SFMBT1: variants seen among roughly 807,000 people sequenced by gnomAD.
The protein encoded by SFMBT1 is Scm like with four mbt domains 1, also known as scm-like with four MBT domains protein 1.
SFMBT1 carries 32 observed loss-of-function variants against 108.7 expected under a neutral mutation model. That is an observed-to-expected ratio of 0.29 (90% confidence interval 0.22 to 0.40). SFMBT1 has a LOEUF of 0.40. SFMBT1 is among the 10% of genes least tolerant of loss of function. The probability of loss-of-function intolerance (pLI) is 1.00; values close to 1 mark genes in which losing one functional copy is unlikely to be tolerated. For synonymous variants in SFMBT1, 348 were observed against 369.5 expected (o/e 0.94, Z 0.67); for missense variants, 816 against 1,059.6 (o/e 0.77, Z 3.19).
At chr3:52,972,744 A>AACACACACACACACACACAC (rs55859723) in intron 1 of SFMBT1, among the ~76,000 whole-genome samples, 1 of 95,092 alleles carries the variant, frequency 1.1e-5, no homozygotes, top group Non-Finnish European at 2.0e-5. Context: ...ATCTCTACTA[A>AACACACACACACACACACAC]ACACACACAC....
intron 8 of SFMBT1, 159 bp from the exon 9 acceptor site, chr3:52,928,500 C>T (rs1164348067): frequency 4.3e-6 from 3 of 690,592 alleles, no homozygotes; most frequent in Admixed American, 3.6e-5. Context: ...CATATAATTA[C>T]TGTTTTAATT....
intron 2 of SFMBT1, among the ~76,000 whole-genome samples, chr3:52,958,416 C>G (rs948285886): frequency 6.6e-6 from 1 of 152,096 alleles, no homozygotes; most frequent in Non-Finnish European, 1.5e-5. Context: ...CATGGTGAAA[C>G]CCCATCTCTA....
In SFMBT1 at chr3:52,905,251, A is replaced by G. The variant is rs771514867; in HGVS notation, c.2486T>C (p.Leu829Pro). ...TTCTTGAACAGTGGGAAGGGTAAGG[A>G]GCAACAGGGCCTGCCCATCAATTTC... ...DQEIDGQALL[L>P]LTLPTVQECM... Residue 829 changes from leucine to proline, a missense_variant, in exon 21 of 21, where the codon CTC (leucine) becomes CCC (proline). Physicochemically the swap from Leu to Pro is moderately conservative, Grantham distance 98. Coordinates refer to ENST00000394752, the MANE Select transcript of SFMBT1 (RefSeq NM_016329.4). The G allele has an allele frequency of 1.9e-6, 3 of 1,613,476 alleles. No homozygotes were observed. Among genetic ancestry groups the G allele is most frequent in the Non-Finnish European group, 1.7e-6 (2 of 1,179,772 alleles).
chr3:53,026,699 T>C (rs1699503936), intron 1 of SFMBT1, among the ~76,000 whole-genome samples: 1 of 152,194 alleles, frequency 6.6e-6, no homozygotes, highest in South Asian at 2.1e-4. Context: ...GGTTGGTTCT[T>C]AGCCGCACTC....
intron 1 of SFMBT1, among the ~76,000 whole-genome samples, chr3:53,039,155 C>T (rs1392030223): frequency 3.3e-5 from 5 of 152,172 alleles, no homozygotes; most frequent in East Asian, 1.9e-4. Flanking sequence ...GGACAAGGTA[C>T]CTGGTTCTCT....
intron 3 of SFMBT1, among the ~76,000 whole-genome samples, chr3:52,952,078 G>A (rs1238155349): frequency 2.0e-5 from 3 of 152,210 alleles, no homozygotes; most frequent in South Asian, 2.1e-4. Context: ...AGTGGGACTC[G>A]CTGTGCATGG....
intron 13 of SFMBT1, among the ~76,000 whole-genome samples, chr3:52,916,538 A>G (rs4608686): frequency 0.11 from 17,044 of 151,592 alleles, 989 homozygotes; most frequent in Non-Finnish European, 0.13. Context: ...GCATGGTGGC[A>G]GGCACCTGTA....
intron 9 of SFMBT1, among the ~76,000 whole-genome samples, chr3:52,926,912 G>A (rs1405275184): frequency 6.6e-6 from 1 of 152,052 alleles, no homozygotes; most frequent in African/African-American, 2.4e-5. Flanking sequence ...ACCGAAGACT[G>A]GCACCATGTT....
intron 1 of SFMBT1, among the ~76,000 whole-genome samples, chr3:53,011,760 A>T (rs1460042570): frequency 6.6e-6 from 1 of 152,228 alleles, no homozygotes; most frequent in Non-Finnish European, 1.5e-5. Flanking sequence ...TTTGGGAGTG[A>T]GGGAGGTGTA....
intron 11 of SFMBT1, 95 bp from the exon 12 acceptor site, chr3:52,920,745 C>G (rs1702500412): frequency 7.1e-6 from 5 of 705,126 alleles, no homozygotes; most frequent in Non-Finnish European, 1.2e-5. Context: ...AGATAATGTT[C>G]TACTCTTATA....
At chr3:52,967,380 T>G (rs1704183368) in intron 2 of SFMBT1, among the ~76,000 whole-genome samples, 1 of 152,128 alleles carries the variant, frequency 6.6e-6, no homozygotes, top group South Asian at 2.1e-4. Context: ...AGGTAAATCC[T>G]AGAGACAGAA....
At position 52,968,703 on chromosome 3, in the gene SFMBT1, C is replaced by T. The variant is rs556240986; in HGVS notation, c.28+398G>A. Among the ~76,000 whole-genome samples, 21 of 151,436 alleles carry T rather than the reference C, an allele frequency of 1.4e-4. No homozygotes were observed. The East Asian group carries it at 4.1e-3, about 29-fold the overall frequency. Reference sequence around the variant, plus strand: ...CAAGCTCTGCCTCCTGGGTTCACACCATTCTCCTGCCCGAGTAGCTGGGAC... The same window carrying T: ...CAAGCTCTGCCTCCTGGGTTCACACTATTCTCCTGCCCGAGTAGCTGGGAC... On this transcript the variant is annotated intron_variant, in intron 2 of 20. Coordinates refer to ENST00000394752, the MANE Select transcript of SFMBT1 (RefSeq NM_016329.4).
chr3:52,998,008 T>A (rs1307278909), intron 1 of SFMBT1, among the ~76,000 whole-genome samples: 1 of 150,722 alleles, frequency 6.6e-6, no homozygotes, highest in Non-Finnish European at 1.5e-5. Flanking sequence ...ACCTTAGATG[T>A]ATAGTTCTGT....
chr3:52,999,840 G>A (rs1173136123), intron 1 of SFMBT1, among the ~76,000 whole-genome samples: 2 of 150,056 alleles, frequency 1.3e-5, no homozygotes, highest in Non-Finnish European at 3.0e-5. Context: ...CATGACCCAT[G>A]GCATGAAATC....
At position 52,926,403 on chromosome 3, in the gene SFMBT1, G is replaced by A. The variant is rs116336911; in HGVS notation, c.1049-290C>T. The stretch of plus-strand genomic sequence containing the variant: ...GCACTATTTTATATGATTAGTTGCT[G>A]GCAATTTACCAAAAGAATTTAAGAC... On this transcript the variant is annotated intron_variant, in intron 9 of 20. Transcript: ENST00000394752. Among the ~76,000 whole-genome samples the A allele has an allele frequency of 1.6e-3, 251 of 152,218 alleles. 1 individual carries two copies. Among genetic ancestry groups the A allele is most frequent in the African/African-American group, 5.8e-3 (242 of 41,524 alleles).
intron 13 of SFMBT1, among the ~76,000 whole-genome samples, chr3:52,916,854 G>C (rs945225843): frequency 6.6e-6 from 1 of 152,036 alleles, no homozygotes; most frequent in Admixed American, 6.5e-5. Flanking sequence ...AAAATTTCTT[G>C]TGAGATGCTT....
chr3:52,922,216 C>T (rs1223701692), intron 10 of SFMBT1, among the ~76,000 whole-genome samples: 2 of 152,218 alleles, frequency 1.3e-5, no homozygotes, highest in Non-Finnish European at 2.9e-5. Flanking sequence ...TGGCTATCAA[C>T]ACTGTTGACT....
chr3:52,929,653 ATCT>A (rs1702798789), intron 8 of SFMBT1, among the ~76,000 whole-genome samples: 1 of 152,316 alleles, frequency 6.6e-6, no homozygotes, highest in African/African-American at 2.4e-5. Context: ...TTTGAGAATA[ATCT>A]TCTTCCAAGA....
intron 3 of SFMBT1, among the ~76,000 whole-genome samples, chr3:52,951,821 C>T (rs2106829953): frequency 6.6e-6 from 1 of 152,318 alleles, no homozygotes; most frequent in Non-Finnish European, 1.5e-5. Context: ...AAACCCACAA[C>T]CTTCCAGCTT....
Sources: allele counts gnomAD v4.1 joint callset (sites outside exome capture counted in the v4.1 genomes callset), GRCh38; gene constraint gnomAD v4.1.1; transcripts MANE v1.5; gene names NCBI Gene and HGNC (gene_info 2026-07-23, HGNC 2026-07-21).